Variants in LSAMP observed in about 807,000 individuals in gnomAD.
The protein encoded by LSAMP is limbic system-associated membrane protein.
LSAMP carries 7 observed loss-of-function variants against 38.6 expected under a neutral mutation model. That is an observed-to-expected ratio of 0.18 (90% CI 0.10 to 0.34). LSAMP has a LOEUF of 0.34. Among genes scored for constraint, LSAMP ranks in the 10% least tolerant of loss-of-function variants. The pLI is 1.00. For missense variants in LSAMP, 313 were observed against 420.0 expected (o/e 0.75, Z 2.23); for synonymous variants, 154 against 166.8 (o/e 0.92, Z 0.59).
intron 1 of LSAMP, among the ~76,000 whole-genome samples, chr3:116,430,502 C>G (rs1192727446): frequency 6.6e-6 from 1 of 151,966 alleles, no homozygotes; most frequent in Admixed American, 6.6e-5. Context: ...TAGAGGTCTA[C>G]TTAAATACTA....
intron 1 of LSAMP, among the ~76,000 whole-genome samples, chr3:116,154,996 T>C (rs991125537): frequency 6.7e-6 from 1 of 148,236 alleles, no homozygotes; most frequent in African/African-American, 2.5e-5. Flanking sequence ...AGCTCCACTG[T>C]CATTTCTTCA....
intron 1 of LSAMP, among the ~76,000 whole-genome samples, chr3:116,123,314 G>C (rs1708926740): frequency 6.6e-6 from 1 of 152,144 alleles, no homozygotes; most frequent in South Asian, 2.1e-4. Flanking sequence ...TCCAGTCGTG[G>C]GCCACAGCCA....
At position 116,108,459 on chromosome 3, in the gene LSAMP, G is replaced by T. The variant is rs1202683010; in HGVS notation, c.156-21903C>A. Among the ~76,000 whole-genome samples the T allele has an allele frequency of 2.6e-5, 4 of 152,132 alleles. No homozygotes were observed. The East Asian group carries it at 7.7e-4, about 29-fold the overall frequency. On this transcript the variant is annotated intron_variant, in intron 1 of 6. Transcript: ENST00000490035. ...AGGCCCTTGACAAGAAGGTAATGTG[G>T]AGTGGGTAGCCTCCATATTGATTAA...
intron 1 of LSAMP, among the ~76,000 whole-genome samples, chr3:116,317,455 A>C (rs1394915563): frequency 1.3e-5 from 2 of 150,634 alleles, no homozygotes; most frequent in East Asian, 4.0e-4. Context: ...TCCTGGGTTC[A>C]CGCCATTCTC....
intron 1 of LSAMP, among the ~76,000 whole-genome samples, chr3:116,282,131 G>A (rs1041433736): frequency 6.6e-6 from 1 of 152,172 alleles, no homozygotes; most frequent in Non-Finnish European, 1.5e-5. Context: ...AACAGACTGC[G>A]CTCATGCTGG....
At chr3:116,418,315 C>T (rs1383775601) in intron 1 of LSAMP, among the ~76,000 whole-genome samples, 1 of 152,154 alleles carries the variant, frequency 6.6e-6, no homozygotes, top group Non-Finnish European at 1.5e-5. Flanking sequence ...TCATCTCAAA[C>T]TCAGCATGTG....
At chr3:116,227,694 A>G (rs1027801001) in intron 1 of LSAMP, among the ~76,000 whole-genome samples, 11 of 150,922 alleles carry the variant, frequency 7.3e-5, no homozygotes, top group African/African-American at 2.7e-4. Flanking sequence ...CTGCCAATGT[A>G]TGGATGACTT....
At chr3:116,286,597 C>A (rs1006893747) in intron 1 of LSAMP, among the ~76,000 whole-genome samples, 3 of 152,058 alleles carry the variant, frequency 2.0e-5, no homozygotes, top group African/African-American at 7.2e-5. Flanking sequence ...AGCTTTTTAT[C>A]CCTTTCATTT....
intron 3 of LSAMP, among the ~76,000 whole-genome samples, chr3:115,988,947 T>C (rs1273144850): frequency 6.6e-6 from 1 of 152,112 alleles, no homozygotes; most frequent in Non-Finnish European, 1.5e-5. Context: ...TTGACTCCCT[T>C]TCTCTTGCTA....
intron 1 of LSAMP, among the ~76,000 whole-genome samples, chr3:116,418,781 A>T (rs996597336): frequency 6.6e-6 from 1 of 152,148 alleles, no homozygotes; most frequent in Non-Finnish European, 1.5e-5. Context: ...AGATAGATAG[A>T]TATCTTAATT....
At chr3:116,394,414 G>T (rs2048742339) in intron 1 of LSAMP, among the ~76,000 whole-genome samples, 1 of 152,132 alleles carries the variant, frequency 6.6e-6, no homozygotes, top group Admixed American at 6.5e-5. Context: ...TGTTATCCCT[G>T]ACCGAGGCCA....
chr3:115,844,847 T>G (rs181640697), intron 4 of LSAMP, among the ~76,000 whole-genome samples: 15 of 152,160 alleles, frequency 9.9e-5, no homozygotes, highest in East Asian at 9.7e-4. Flanking sequence ...TGTGGTGGTG[T>G]GTACCTGTAG....
intron 1 of LSAMP, among the ~76,000 whole-genome samples, chr3:116,424,175 C>T (rs1300548371): frequency 6.6e-6 from 1 of 152,176 alleles, no homozygotes; most frequent in Non-Finnish European, 1.5e-5. Flanking sequence ...GCATGTCCTC[C>T]TTTCCTCCTT....
intron 3 of LSAMP, among the ~76,000 whole-genome samples, chr3:115,855,199 GAA>G (rs954691533): frequency 6.6e-6 from 1 of 152,184 alleles, no homozygotes; most frequent in African/African-American, 2.4e-5. Flanking sequence ...GCAGGAGAGA[GAA>G]AGATTATTTT....
At chr3:115,827,759 C>T (rs1934471331) in intron 6 of LSAMP, among the ~76,000 whole-genome samples, 1 of 152,134 alleles carries the variant, frequency 6.6e-6, no homozygotes, top group Non-Finnish European at 1.5e-5. Flanking sequence ...AGTGAGTAGT[C>T]TGCCTACTCC....
chr3:116,371,637 G>A (rs568866910), intron 1 of LSAMP, among the ~76,000 whole-genome samples: 84 of 152,254 alleles, frequency 5.5e-4, no homozygotes, highest in African/African-American at 1.9e-3. Context: ...AGGCAAGGGT[G>A]TGTGCTTTCA....
intron 1 of LSAMP, among the ~76,000 whole-genome samples, chr3:116,203,756 T>C (rs576403138): frequency 6.6e-6 from 1 of 152,216 alleles, no homozygotes; most frequent in South Asian, 2.1e-4. Context: ...CTGCATAGTA[T>C]TCCATGGTGT....
At chr3:116,044,622 TAA>T (rs56917180) in intron 2 of LSAMP, among the ~76,000 whole-genome samples, 85 of 136,100 alleles carry the variant, frequency 6.2e-4, no homozygotes, top group African/African-American at 7.9e-4. Flanking sequence ...TAATTGTATC[TAA>T]AAAAAAAAAA....
intron 2 of LSAMP, among the ~76,000 whole-genome samples, chr3:116,062,652 G>A (rs1178789514): frequency 6.6e-6 from 1 of 151,968 alleles, no homozygotes; most frequent in Admixed American, 6.6e-5. Flanking sequence ...AGTCTTCTGC[G>A]AGCTTTTCAG....
Sources: allele counts gnomAD v4.1 joint callset (sites outside exome capture counted in the v4.1 genomes callset), GRCh38; gene constraint gnomAD v4.1.1; transcripts MANE v1.5; gene names NCBI Gene and HGNC (gene_info 2026-07-23, HGNC 2026-07-21).